Variants in SCRG1 observed in about 807,000 individuals in gnomAD.
SCRG1 encodes stimulator of chondrogenesis 1, also known as scrapie-responsive protein 1.
In SCRG1, 3 loss-of-function variants were observed where a neutral mutation model predicts 7.7. The observed-to-expected ratio is 0.39, with a 90% CI of 0.18 to 1.01. SCRG1 has a LOEUF of 1.01. Ranked by LOEUF, SCRG1 falls within the 50% of genes least tolerant of loss-of-function variation. SCRG1 has a pLI of 0.36. For missense variants in SCRG1, 110 were observed against 117.2 expected, an observed-to-expected ratio of 0.94 and a Z score of 0.28; for synonymous variants, 46 against 41.2, an observed-to-expected ratio of 1.12 and a Z score of -0.44.
chr4:173,465,651 A>G, the SCRG1 span, among the ~76,000 whole-genome samples: 17 of 151,346 alleles, frequency 1.1e-4, no homozygotes, highest in Non-Finnish European at 1.8e-4. Context: ...TATTTTTTGT[A>G]TATATACATA....
the SCRG1 span, among the ~76,000 whole-genome samples, chr4:173,418,298 T>G: frequency 2.6e-5 from 4 of 152,292 alleles, no homozygotes; most frequent in South Asian, 8.3e-4. Flanking sequence ...TTCAGTGGTG[T>G]GGTTTGGTGA....
chr4:173,494,026 G>A, the SCRG1 span, among the ~76,000 whole-genome samples: 2 of 152,162 alleles, frequency 1.3e-5, no homozygotes, highest in African/African-American at 2.4e-5. Flanking sequence ...TTCTAGAATA[G>A]ATTCCTACCC....
At chr4:173,458,586 T>A in the SCRG1 span, among the ~76,000 whole-genome samples, 451 of 152,148 alleles carry the variant, frequency 3.0e-3, 2 homozygotes, top group Non-Finnish European at 4.6e-3. Context: ...AGTATTAAAC[T>A]CGCTGGTAAA....
chr4:173,447,873 G>C, the SCRG1 span, among the ~76,000 whole-genome samples: 1 of 152,172 alleles, frequency 6.6e-6, no homozygotes, highest in African/African-American at 2.4e-5. Context: ...GGGAGGCCGA[G>C]GCAGGCGAAT....
At chr4:173,483,742 ATAT>A in the SCRG1 span, among the ~76,000 whole-genome samples, 2 of 43,066 alleles carry the variant, frequency 4.6e-5, 1 homozygote, top group African/African-American at 1.9e-4. Context: ...TATATATGAT[ATAT>A]TATATGTGAT....
chr4:173,459,499 C>A, the SCRG1 span, among the ~76,000 whole-genome samples: 1 of 152,156 alleles, frequency 6.6e-6, no homozygotes, highest in South Asian at 2.1e-4. Flanking sequence ...TAACAACATG[C>A]TCCTGAGTAA....
At chr4:173,450,276 C>T in the SCRG1 span, among the ~76,000 whole-genome samples, 1 of 152,164 alleles carries the variant, frequency 6.6e-6, no homozygotes, top group South Asian at 2.1e-4. Flanking sequence ...CCAATCATCT[C>T]CCACCAGGTC....
chr4:173,396,782 C>G (rs993510525), intron 1 of SCRG1, among the ~76,000 whole-genome samples: 2 of 145,730 alleles, frequency 1.4e-5, no homozygotes, highest in African/African-American at 5.1e-5. Context: ...TGGCCCAGCA[C>G]AGTGGCTCAC....
the SCRG1 span, among the ~76,000 whole-genome samples, chr4:173,414,104 C>T: frequency 6.6e-6 from 1 of 152,144 alleles, no homozygotes; most frequent in South Asian, 2.1e-4. Flanking sequence ...GGGTCAGTTT[C>T]AACCTAATCA....
the SCRG1 span, among the ~76,000 whole-genome samples, chr4:173,433,563 C>T: frequency 2.1e-4 from 32 of 152,270 alleles, no homozygotes; most frequent in African/African-American, 4.8e-4. Flanking sequence ...TCGCTCTGGT[C>T]TGTGAGCTTC....
Position 173,385,170 on chromosome 4 carries a change from A to G in SCRG1, c.*3171T>C, listed in dbSNP as rs773274595. The G allele has an allele frequency of 6.6e-6, 1 of 152,204 alleles. No individual in the cohort carries two copies. Among genetic ancestry groups the G allele is most frequent in the African/African-American group, 2.4e-5 (1 of 41,456 alleles). The allele number at this position is 152,204 out of a possible 1,614,324, so 9.4% of individuals were successfully genotyped here. On this transcript the variant is annotated 3_prime_UTR_variant, in exon 3 of 3. Transcript: ENST00000296506. ...AATAATAAAATTTTAATAAAAGCTT[A>G]GTTGTCTTATAACTAAAATCTATTG... is the stretch of plus-strand genomic sequence containing the variant.
chr4:173,458,617 G>C, the SCRG1 span, among the ~76,000 whole-genome samples: 9 of 152,082 alleles, frequency 5.9e-5, no homozygotes, highest in African/African-American at 1.7e-4. Flanking sequence ...AAAGGCGAAA[G>C]AGAAAAGAAT....
At chr4:173,483,690 G>A in the SCRG1 span, among the ~76,000 whole-genome samples, 8 of 2,936 alleles carry the variant, frequency 2.7e-3, no homozygotes, top group African/African-American at 4.0e-3. Context: ...ATATTATATT[G>A]TGATATATCA....
chr4:173,401,373 A>T (rs573021231), upstream of SCRG1, among the ~76,000 whole-genome samples: 3 of 152,250 alleles, frequency 2.0e-5, no homozygotes, highest in Non-Finnish European at 4.4e-5. Flanking sequence ...GAAAATGGAA[A>T]CTAGCCTTTA....
At chr4:173,498,750 G>GTGTA in the SCRG1 span, among the ~76,000 whole-genome samples, 64 of 152,296 alleles carry the variant, frequency 4.2e-4, no homozygotes, top group Non-Finnish European at 8.4e-4. Context: ...GTGTGTGTGT[G>GTGTA]TGTATGTATA....
chr4:173,484,003 T>G, the SCRG1 span, among the ~76,000 whole-genome samples: 3 of 82,308 alleles, frequency 3.6e-5, no homozygotes, highest in Non-Finnish European at 6.6e-5. Context: ...TGATATATAT[T>G]ACATATTATA....
chr4:173,416,613 G>T, the SCRG1 span, among the ~76,000 whole-genome samples: 1 of 152,132 alleles, frequency 6.6e-6, no homozygotes. Context: ...GTGGGACCCC[G>T]TCTCTTAAAA....
At chr4:173,495,560 C>T in the SCRG1 span, among the ~76,000 whole-genome samples, 2 of 152,190 alleles carry the variant, frequency 1.3e-5, no homozygotes, top group African/African-American at 2.4e-5. Context: ...AAGAATGATT[C>T]ATGTACATTG....
chr4:173,484,782 C>T, the SCRG1 span, among the ~76,000 whole-genome samples: 4 of 77,666 alleles, frequency 5.2e-5, no homozygotes, highest in Non-Finnish European at 6.5e-5. Context: ...ATATTATATA[C>T]ATGTAATACA....
Sources: allele counts gnomAD v4.1 joint callset (sites outside exome capture counted in the v4.1 genomes callset), GRCh38; gene constraint gnomAD v4.1.1; transcripts MANE v1.5; gene names NCBI Gene and HGNC (gene_info 2026-07-23, HGNC 2026-07-21).